MEI1: variants seen among roughly 807,000 people sequenced by gnomAD.
MEI1 encodes the protein meiosis inhibitor protein 1.
In MEI1, 103 loss-of-function variants were observed where a neutral mutation model predicts 146.2. The ratio of observed to expected loss-of-function variants is 0.70; its 90% CI spans 0.60 to 0.83. The LOEUF is 0.83. MEI1 is among the 40% of genes least tolerant of loss of function. MEI1 has a pLI of 0.00. For missense variants in MEI1, 1,529 were observed against 1,533.0 expected, an observed-to-expected ratio of 1.00 and a Z score of 0.04; for synonymous variants, 652 against 628.2, an observed-to-expected ratio of 1.04 and a Z score of -0.57.
At chr22:41,704,403 C>A (rs1327996802) in intron 2 of MEI1, among the ~76,000 whole-genome samples, 3 of 148,040 alleles carry the variant, frequency 2.0e-5, no homozygotes, top group African/African-American at 7.6e-5. Context: ...ACCGCATTGA[C>A]AATTCTTACC....
chr22:41,780,186 C>G (rs2075681674), intron 22 of MEI1, among the ~76,000 whole-genome samples: 2 of 152,298 alleles, frequency 1.3e-5, no homozygotes, highest in South Asian at 4.1e-4. Flanking sequence ...CAGGGAGTAA[C>G]AGGCTGAAAC....
At chr22:41,733,506 C>G (rs6002456) in intron 11 of MEI1, among the ~76,000 whole-genome samples, 16,931 of 151,972 alleles carry the variant, frequency 0.11, 2,790 homozygotes, top group African/African-American at 0.36. Flanking sequence ...CCTGTAAACC[C>G]AGCACTTTGG....
chr22:41,702,454 T>C (rs1019718943), intron 1 of MEI1, among the ~76,000 whole-genome samples: 73 of 149,200 alleles, frequency 4.9e-4, no homozygotes, highest in African/African-American at 1.7e-3. Flanking sequence ...ACACTTTTTT[T>C]CTTTTTTTTT....
chr22:41,742,493 C>T (rs1441422952), intron 11 of MEI1, among the ~76,000 whole-genome samples: 1 of 152,124 alleles, frequency 6.6e-6, no homozygotes, highest in African/African-American at 2.4e-5. Flanking sequence ...GGACTTATTA[C>T]GTATTAAGCA....
At position 41,771,899 on chromosome 22, in the gene MEI1, T is replaced by G. The variant is rs927134221; in HGVS notation, c.2544+938T>G. Among the ~76,000 whole-genome samples, 3 of 152,216 alleles carry G rather than the reference T, an allele frequency of 2.0e-5. No homozygotes were observed. The South Asian group carries it at 6.2e-4, about 32-fold the overall frequency. ...GTTCTTCACACATAGTAGGTACTTATAAATTATGACCCATTGAATTATGGG... is the reference window on the plus strand; with the variant it reads ...GTTCTTCACACATAGTAGGTACTTAGAAATTATGACCCATTGAATTATGGG... On this transcript the variant is annotated intron_variant, in intron 20 of 30. Coordinates refer to ENST00000401548, the MANE Select transcript of MEI1 (RefSeq NM_152513.4).
At chr22:41,701,925 G>T (rs2068744900) in intron 1 of MEI1, among the ~76,000 whole-genome samples, 1 of 152,128 alleles carries the variant, frequency 6.6e-6, no homozygotes, top group Admixed American at 6.6e-5. Flanking sequence ...GATGAGATTG[G>T]AGAGACAGGT....
chr22:41,784,834 G>T, intron 26 of MEI1, 51 bp downstream of exon 26: 2 of 1,472,260 alleles, frequency 1.4e-6, no homozygotes, highest in East Asian at 5.0e-5. Context: ...ACAGCAGGAA[G>T]GGGTGGCTGC....
chr22:41,699,920 G>C (rs540410015), intron 1 of MEI1, among the ~76,000 whole-genome samples: 1 of 152,342 alleles, frequency 6.6e-6, no homozygotes, highest in East Asian at 1.9e-4. Context: ...GCGGGCCTCC[G>C]TGGAGCCCGG....
At chr22:41,776,323 C>T in intron 21 of MEI1, 56 bp downstream of exon 21, 1 of 1,573,642 alleles carries the variant, frequency 6.4e-7, no homozygotes, top group Non-Finnish European at 8.7e-7. Flanking sequence ...CGAGAATGGG[C>T]ATCTCTACCC....
intron 26 of MEI1, among the ~76,000 whole-genome samples, chr22:41,789,125 C>G (rs1371485984): frequency 6.6e-6 from 1 of 152,158 alleles, no homozygotes; most frequent in Non-Finnish European, 1.5e-5. Flanking sequence ...GCCTGGCCAA[C>G]AGGGTGAAAC....
chr22:41,738,136 G>C (rs1025155078), intron 11 of MEI1, among the ~76,000 whole-genome samples: 1 of 151,282 alleles, frequency 6.6e-6, no homozygotes, highest in Non-Finnish European at 1.5e-5. Context: ...ACAACATAGC[G>C]CCACCCCATC....
chr22:41,703,339 CAA>C lies in MEI1; in HGVS notation c.184_185del (p.Lys62GlufsTer54). 1 of 1,612,458 alleles carries C rather than the reference CAA, an allele frequency of 6.2e-7. No homozygotes were observed. Reference sequence around the variant, plus strand: ...TCTTCATTTGCTTCAAGTTAGTGCGCAAGAAGCACATGTTGTCCTGCTTCCAA... The same window carrying C: ...TCTTCATTTGCTTCAAGTTAGTGCGCGAAGCACATGTTGTCCTGCTTCCAA... ...LPDPGVSLVR[K>X]KHMLSCFQDA... is the part of the protein sequence containing the mutation. On this transcript the variant is annotated frameshift_variant, in exon 2 of 31. Transcript: ENST00000401548. LOFTEE classifies it high-confidence loss of function.
In MEI1 at chr22:41,781,675, C is replaced by T. The variant is rs1460367346; in HGVS notation, c.2927-10C>T. On this transcript the variant is annotated splice_polypyrimidine_tract_variant and intron_variant, in intron 23 of 30. Coordinates refer to ENST00000401548, the MANE Select transcript of MEI1 (RefSeq NM_152513.4). Reference sequence around the variant, plus strand: ...ACTCCTGTGGGCCCTGCCTTGCCCACCCCCGACAGCTGCTGCAGTGCTCCT... The same window carrying T: ...ACTCCTGTGGGCCCTGCCTTGCCCATCCCCGACAGCTGCTGCAGTGCTCCT... The T allele has an allele frequency of 1.2e-6, 2 of 1,611,574 alleles. No individual in the cohort carries two copies. Among genetic ancestry groups the T allele is most frequent in the Admixed American group, 1.7e-5 (1 of 59,960 alleles).
chr22:41,721,979 A>G (rs934806755), intron 6 of MEI1: 5 of 151,006 alleles, frequency 3.3e-5, no homozygotes, highest in African/African-American at 1.2e-4. Context: ...TCGGCCTCCC[A>G]AAGTGTTGGG....
intron 6 of MEI1, among the ~76,000 whole-genome samples, chr22:41,720,462 G>T (rs1196332067): frequency 6.6e-6 from 1 of 152,044 alleles, no homozygotes; most frequent in African/African-American, 2.4e-5. Context: ...ACAGGGTCTT[G>T]TTCTGTCACC....
chr22:41,753,991 T>C lies in MEI1; in HGVS notation c.1896T>C (p.Tyr632=), dbSNP rs763402254. 6 of 1,613,790 alleles carry C rather than the reference T, an allele frequency of 3.7e-6. No individual in the cohort carries two copies. The South Asian group carries it at 6.6e-5, about 18-fold the overall frequency. The change falls in exon 17 of 31, where the codon TAT becomes TAC. Residue 632 remains tyrosine (Y), a synonymous_variant. Transcript: ENST00000401548. ...LNQVCSNFLY[Y]MCLNLLSAPE... is the part of the protein sequence containing the mutation. ...AGGTGTGTTCCAATTTCCTCTACTA[T>C]ATGTGCCTCAACCTTCTCTCAGCTC...
At chr22:41,718,947 C>T (rs1369537254) in intron 6 of MEI1, among the ~76,000 whole-genome samples, 1 of 150,498 alleles carries the variant, frequency 6.6e-6, no homozygotes, top group Admixed American at 6.6e-5. Context: ...TCTCAGCTCA[C>T]TGCAACCTCT....
intron 22 of MEI1, among the ~76,000 whole-genome samples, chr22:41,780,441 G>A (rs980529045): frequency 6.6e-6 from 1 of 152,050 alleles, no homozygotes; most frequent in Non-Finnish European, 1.5e-5. Flanking sequence ...AAGAGTAAAG[G>A]GATATGTTCT....
intron 16 of MEI1, 63 bp from the exon 17 acceptor site, chr22:41,753,886 T>G: frequency 8.7e-7 from 1 of 1,148,022 alleles, no homozygotes; most frequent in Non-Finnish European, 1.3e-6. Context: ...ATGGCAGGGA[T>G]AATGCTCTCC....
Sources: gnomAD v4.1 joint callset for allele counts (sites outside exome capture counted in the v4.1 genomes callset) on GRCh38, gnomAD v4.1.1 for gene constraint, MANE v1.5 for transcripts, NCBI Gene and HGNC (gene_info 2026-07-23, HGNC 2026-07-21) for gene names.